The following RBPJ variants were observed in gnomAD, a reference collection of about 807,000 sequenced individuals.
RBPJ encodes the protein recombination signal binding protein for immunoglobulin kappa J region.
RBPJ carries 9 observed loss-of-function variants against 67.8 expected under a neutral mutation model. The ratio of observed to expected loss-of-function variants is 0.13; its 90% confidence interval spans 0.08 to 0.23. The LOEUF (loss-of-function observed/expected upper bound fraction) is 0.23, where lower values mean the gene tolerates loss of function less well. RBPJ is among the 10% of genes least tolerant of loss of function. The pLI is 1.00. For synonymous variants in RBPJ, 198 were observed against 203.3 expected (o/e 0.97, Z 0.22); for missense variants, 305 against 595.6 (o/e 0.51, Z 5.08).
intron 2 of RBPJ, among the ~76,000 whole-genome samples, chr4:26,391,635 A>G (rs1207093609): frequency 6.6e-6 from 1 of 152,260 alleles, no homozygotes; most frequent in Non-Finnish European, 1.5e-5. Context: ...TGTGGAAGAA[A>G]TTGATAAATT....
At chr4:26,330,693 G>A (rs1488634235) in intron 1 of RBPJ, among the ~76,000 whole-genome samples, 8 of 152,164 alleles carry the variant, frequency 5.3e-5, no homozygotes, top group Non-Finnish European at 1.2e-4. Flanking sequence ...ATGATGGTTT[G>A]ATTTTAGGCA....
chr4:26,418,714 A>G (rs1279720561), intron 4 of RBPJ, among the ~76,000 whole-genome samples: 2 of 152,208 alleles, frequency 1.3e-5, no homozygotes, highest in African/African-American at 4.8e-5. Flanking sequence ...ATTAGAATGT[A>G]ATTACCTTCA....
chr4:26,238,945 G>A (rs1719544091), intron 1 of RBPJ, among the ~76,000 whole-genome samples: 1 of 152,086 alleles, frequency 6.6e-6, no homozygotes, highest in Non-Finnish European at 1.5e-5. Context: ...CAGGCACCCA[G>A]GGAGAGCAGA....
At chr4:26,253,025 C>T (rs1184334062) in intron 1 of RBPJ, among the ~76,000 whole-genome samples, 1 of 152,146 alleles carries the variant, frequency 6.6e-6, no homozygotes, top group Non-Finnish European at 1.5e-5. Context: ...ATATTTAAAG[C>T]ATCTGGGTTA....
chr4:26,430,296 TA>T lies in RBPJ; in HGVS notation c.1045-117del. ...GAAATGTTTTTAGCTAGCTTTGTAA[TA>T]AAAAACATTTTAATTGCCCTTTTTT... On this transcript the variant is annotated intron_variant, in intron 9 of 10. Transcript: ENST00000355476. The surrounding 1 kb of genome is among the most constrained non-coding windows in gnomAD (Gnocchi z 4.1). The T allele has an allele frequency of 2.2e-6, 2 of 918,724 alleles. No individual in the cohort carries two copies. The highest frequency in any genetic ancestry group is 2.4e-5 in the Admixed American group (1 of 41,378). The allele number at this position is 918,724 out of a possible 1,614,324, so 56.9% of individuals were successfully genotyped here.
chr4:26,306,352 C>T (rs11728265), intron 1 of RBPJ, among the ~76,000 whole-genome samples: 62,848 of 151,690 alleles, frequency 0.41, 15,632 homozygotes, highest in Admixed American at 0.57. Flanking sequence ...TCTAGTTTGT[C>T]GAGCGTTTGC....
At chr4:26,197,962 T>C (rs776685911) in intron 1 of RBPJ, among the ~76,000 whole-genome samples, 1 of 152,158 alleles carries the variant, frequency 6.6e-6, no homozygotes, top group Non-Finnish European at 1.5e-5. Context: ...ATTATAATAC[T>C]ATGAGGCAGG....
In RBPJ at chr4:26,433,742, C is replaced by T. The variant is rs1485813529; in HGVS notation, c.*2735C>T. On this transcript the variant is annotated 3_prime_UTR_variant, in exon 11 of 11. Transcript: ENST00000355476. ...TGTTTATCAGTAGTTCTTTTGTCAG[C>T]TGCTTACATTTTTTCTTTCATGGTT... is the stretch of plus-strand genomic sequence containing the variant. 1 of 152,106 alleles carries T rather than the reference C, an allele frequency of 6.6e-6. No individual in the cohort carries two copies. Among genetic ancestry groups the T allele is most frequent in the Non-Finnish European group, 1.5e-5 (1 of 68,016 alleles). The allele number at this position is 152,106 out of a possible 1,614,324, so 9.4% of individuals were successfully genotyped here.
intron 1 of RBPJ, among the ~76,000 whole-genome samples, chr4:26,170,130 C>G (rs1253311281): frequency 6.6e-6 from 1 of 152,148 alleles, no homozygotes; most frequent in Admixed American, 6.5e-5. Context: ...AACCCGGTAC[C>G]TCAGATGGAA....
chr4:26,326,688 T>C (rs1413230914), intron 1 of RBPJ, among the ~76,000 whole-genome samples: 1 of 152,202 alleles, frequency 6.6e-6, no homozygotes. Context: ...TCAAATAAGG[T>C]AAATTTTGTG....
Position 26,430,477 on chromosome 4 carries a change from A to G in RBPJ, c.1103A>G (p.Asn368Ser), listed in dbSNP as rs1302796657. 1 of 1,607,200 alleles carries G rather than the reference A, an allele frequency of 6.2e-7. No individual in the cohort carries two copies. The highest frequency in any genetic ancestry group is 1.1e-5 in the South Asian group (1 of 89,046). ...CTTACAGGACAGAATTTCACTCCAA[A>G]TTTACGAGTGTGGTTTGGGGATGTA... is the stretch of plus-strand genomic sequence containing the variant. The part of the protein sequence containing the change: ...LELTGQNFTP[N>S]LRVWFGDVEA... Residue 368 changes from asparagine (N) to serine (S), a missense_variant, in exon 10 of 11, where the codon AAT (asparagine) becomes AGT (serine). Transcript: ENST00000355476. The surrounding 1 kb of genome is among the most constrained non-coding windows in gnomAD (Gnocchi z 4.1).
rs1050467664 is a variant in RBPJ, at chr4:26,347,262, C to T, written c.20+26214C>T. ...GAGCTCAAGAGAGAGAGGTCAGGGT[C>T]GGAAATGTGTACTTGAAGACTGGTA... On this transcript the variant is annotated intron_variant, in intron 1 of 10. Coordinates refer to ENST00000355476, the MANE Select transcript of RBPJ (RefSeq NM_015874.6). Among the ~76,000 whole-genome samples the T allele has an allele frequency of 3.3e-5, 5 of 152,078 alleles. No homozygotes were observed. The South Asian group carries it at 6.2e-4, about 19-fold the overall frequency.
chr4:26,317,569 C>T (rs139385253), upstream of RBPJ, among the ~76,000 whole-genome samples: 36 of 152,108 alleles, frequency 2.4e-4, 1 homozygote, highest in East Asian at 5.4e-3. Context: ...GCACAGACTG[C>T]GGGAAGACAA....
chr4:26,325,756 A>G (rs1301895287), intron 1 of RBPJ, among the ~76,000 whole-genome samples: 2 of 152,174 alleles, frequency 1.3e-5, no homozygotes, highest in Non-Finnish European at 2.9e-5. Flanking sequence ...CAGTCATATT[A>G]AAGTATTTTG....
At chr4:26,288,365 T>C (rs1431926952) in intron 1 of RBPJ, among the ~76,000 whole-genome samples, 1 of 152,236 alleles carries the variant, frequency 6.6e-6, no homozygotes, top group Non-Finnish European at 1.5e-5. Flanking sequence ...GGCAGAGTCT[T>C]CAGTTGCTTA....
chr4:26,295,321 G>T (rs543511617), intron 1 of RBPJ, among the ~76,000 whole-genome samples: 1 of 151,790 alleles, frequency 6.6e-6, no homozygotes, highest in Non-Finnish European at 1.5e-5. Context: ...ATGCACATAC[G>T]TGTGAGGGAG....
At chr4:26,215,394 G>GAAGA (rs1718679292) in intron 1 of RBPJ, among the ~76,000 whole-genome samples, 1 of 43,362 alleles carries the variant, frequency 2.3e-5, no homozygotes, top group Non-Finnish European at 4.1e-5. Context: ...AGGGAGAGAG[G>GAAGA]AAGGAAGGGG....
At chr4:26,153,714 T>G in the RBPJ span, among the ~76,000 whole-genome samples, 1 of 152,332 alleles carries the variant, frequency 6.6e-6, no homozygotes, top group Non-Finnish European at 1.5e-5. Context: ...CCATCATACA[T>G]TTTTACCATA....
chr4:26,325,733 A>G (rs1723559218), intron 1 of RBPJ, among the ~76,000 whole-genome samples: 1 of 152,174 alleles, frequency 6.6e-6, no homozygotes, highest in Admixed American at 6.5e-5. Flanking sequence ...TTTTCTCTCC[A>G]TAATCAGTGC....
Sources: allele counts gnomAD v4.1 joint callset (sites outside exome capture counted in the v4.1 genomes callset), GRCh38; gene constraint gnomAD v4.1.1; non-coding constraint Gnocchi (gnomAD v3.1); transcripts MANE v1.5; gene names NCBI Gene and HGNC (gene_info 2026-07-23, HGNC 2026-07-21).